Variants in ST6GALNAC3 observed in about 807,000 individuals in gnomAD.
The protein encoded by ST6GALNAC3 is alpha-N-acetylgalactosaminide alpha-2,6-sialyltransferase 3.
ST6GALNAC3 carries 25 observed loss-of-function variants against 32.7 expected under a neutral mutation model. The ratio of observed to expected loss-of-function variants is 0.76; its 90% CI spans 0.56 to 1.07. The LOEUF (loss-of-function observed/expected upper bound fraction) is 1.07. Among genes scored for constraint, ST6GALNAC3 ranks in the 50% least tolerant of loss-of-function variants. ST6GALNAC3 has a pLI of 0.00. For synonymous variants in ST6GALNAC3, 129 were observed against 133.1 expected (o/e 0.97, Z 0.21); for missense variants, 355 against 382.4 (o/e 0.93, Z 0.60).
intron 1 of ST6GALNAC3, among the ~76,000 whole-genome samples, chr1:76,145,877 T>G (rs139060162): frequency 1.1e-3 from 173 of 152,352 alleles, no homozygotes; most frequent in African/African-American, 4.0e-3. Context: ...TCTTTTTCTT[T>G]TAATGTGGAT....
At chr1:76,114,941 G>GA (rs199778792) in intron 1 of ST6GALNAC3, among the ~76,000 whole-genome samples, 4 of 146,864 alleles carry the variant, frequency 2.7e-5, no homozygotes, top group East Asian at 2.0e-4. Flanking sequence ...AAAAGAAAAA[G>GA]AAAAAAAAGG....
chr1:76,298,274 A>G (rs910625445), intron 1 of ST6GALNAC3, among the ~76,000 whole-genome samples: 4 of 151,962 alleles, frequency 2.6e-5, no homozygotes, highest in Non-Finnish European at 4.4e-5. Context: ...AAAGAGGAGA[A>G]AATCTATCTA....
At chr1:76,332,809 T>C (rs1647215682) in intron 2 of ST6GALNAC3, among the ~76,000 whole-genome samples, 1 of 152,174 alleles carries the variant, frequency 6.6e-6, no homozygotes, top group South Asian at 2.1e-4. Context: ...ATACTTTATA[T>C]TTAATACATT....
chr1:76,340,191 C>G (rs1181535605), intron 2 of ST6GALNAC3, among the ~76,000 whole-genome samples: 3 of 152,104 alleles, frequency 2.0e-5, no homozygotes, highest in Non-Finnish European at 4.4e-5. Flanking sequence ...TGGGGGCTGC[C>G]AAGGGATGTG....
chr1:76,434,784 G>GTTTTTTTTTT (rs1211703628), intron 3 of ST6GALNAC3, among the ~76,000 whole-genome samples: 36 of 72,204 alleles, frequency 5.0e-4, no homozygotes, highest in Non-Finnish European at 6.8e-4. Flanking sequence ...TTTTTTCTCT[G>GTTTTTTTTTT]TTTTTTTTTT....
intron 3 of ST6GALNAC3, among the ~76,000 whole-genome samples, chr1:76,416,937 T>C (rs1005763928): frequency 5.9e-5 from 9 of 152,152 alleles, no homozygotes; most frequent in African/African-American, 2.2e-4. Context: ...GCATTGTGTT[T>C]TTTTTCTTAA....
intron 1 of ST6GALNAC3, among the ~76,000 whole-genome samples, chr1:76,273,678 G>T (rs1658977702): frequency 2.0e-5 from 3 of 152,246 alleles, no homozygotes; most frequent in Admixed American, 6.5e-5. Flanking sequence ...CATATGCCTG[G>T]TATTAACATA....
At chr1:76,144,318 CA>C (rs2100297009) in intron 1 of ST6GALNAC3, among the ~76,000 whole-genome samples, 1 of 152,312 alleles carries the variant, frequency 6.6e-6, no homozygotes, top group African/African-American at 2.4e-5. Flanking sequence ...TCAAATACCA[CA>C]TAAGCAAGAA....
At chr1:76,323,376 A>G (rs4245649) in intron 2 of ST6GALNAC3, among the ~76,000 whole-genome samples, 150,524 of 152,302 alleles carry the variant, frequency 0.99, 74,414 homozygotes, top group East Asian at 1. Context: ...TAGCTCTTAC[A>G]GAGTACATAC....
intron 3 of ST6GALNAC3, among the ~76,000 whole-genome samples, chr1:76,441,311 T>A (rs528623996): frequency 6.6e-6 from 1 of 152,266 alleles, no homozygotes; most frequent in East Asian, 1.9e-4. Flanking sequence ...TATCTCATTT[T>A]GTCATCTCAA....
intron 3 of ST6GALNAC3, among the ~76,000 whole-genome samples, chr1:76,507,606 C>G (rs1391195925): frequency 6.6e-6 from 1 of 152,186 alleles, no homozygotes; most frequent in Non-Finnish European, 1.5e-5. Context: ...ATCTGTACTT[C>G]ATTCATTTTT....
At chr1:76,621,873 G>A (rs1451086108) in intron 3 of ST6GALNAC3, among the ~76,000 whole-genome samples, 2 of 152,038 alleles carry the variant, frequency 1.3e-5, no homozygotes, top group Non-Finnish European at 2.9e-5. Context: ...TATCCTGCCA[G>A]TGTAGTATAT....
chr1:76,364,361 C>T (rs1650201458), intron 2 of ST6GALNAC3, among the ~76,000 whole-genome samples: 1 of 151,952 alleles, frequency 6.6e-6, no homozygotes, highest in South Asian at 2.1e-4. Flanking sequence ...CTAGCCTGGC[C>T]AACATGGCAA....
At chr1:76,269,599 G>A (rs559533008) in intron 1 of ST6GALNAC3, among the ~76,000 whole-genome samples, 1 of 152,288 alleles carries the variant, frequency 6.6e-6, no homozygotes, top group African/African-American at 2.4e-5. Flanking sequence ...GTGCACCACC[G>A]GTTTGCACAA....
chr1:76,083,586 C>T (rs1392974563), intron 1 of ST6GALNAC3, among the ~76,000 whole-genome samples: 1 of 152,190 alleles, frequency 6.6e-6, no homozygotes, highest in African/African-American at 2.4e-5. Flanking sequence ...TGGTCTGTAG[C>T]AGTGCTGTCC....
chr1:76,576,872 G>T (rs1241741068), intron 3 of ST6GALNAC3: 2 of 1,304,770 alleles, frequency 1.5e-6, no homozygotes, highest in Admixed American at 4.6e-5. Context: ...AGTGTTGATT[G>T]ATCGAACAGC....
chr1:76,097,246 A>G (rs888441719), intron 1 of ST6GALNAC3, among the ~76,000 whole-genome samples: 2 of 152,002 alleles, frequency 1.3e-5, no homozygotes, highest in Non-Finnish European at 2.9e-5. Flanking sequence ...ATGGCTTCTG[A>G]TATGGTTTGG....
intron 1 of ST6GALNAC3, among the ~76,000 whole-genome samples, chr1:76,287,740 TG>T (rs1659867020): frequency 6.6e-6 from 1 of 152,190 alleles, no homozygotes; most frequent in Non-Finnish European, 1.5e-5. Flanking sequence ...GTTAGTCCAT[TG>T]GGTGTGTTTG....
At chr1:76,083,529 C>A (rs758747003) in intron 1 of ST6GALNAC3, among the ~76,000 whole-genome samples, 78 of 152,294 alleles carry the variant, frequency 5.1e-4, no homozygotes, top group Non-Finnish European at 9.6e-4. Context: ...TGAGTCCCAT[C>A]CTGGCTTTGT....
Sources: gnomAD v4.1 joint callset for allele counts (sites outside exome capture counted in the v4.1 genomes callset) on GRCh38, gnomAD v4.1.1 for gene constraint, MANE v1.5 for transcripts, NCBI Gene and HGNC (gene_info 2026-07-23, HGNC 2026-07-21) for gene names.